The following EXOC2 variants were observed in gnomAD, a reference collection of about 807,000 sequenced individuals.
EXOC2 encodes the protein SEC5-like 1.
EXOC2 carries 70 observed loss-of-function variants against 131.8 expected under a neutral mutation model. That is an observed-to-expected ratio of 0.53 (90% CI 0.44 to 0.65). The LOEUF is 0.65. Among genes scored for constraint, EXOC2 ranks in the 30% least tolerant of loss-of-function variants. The probability of loss-of-function intolerance (pLI) is 0.00; values close to 1 mark genes in which losing one functional copy is unlikely to be tolerated. For synonymous variants in EXOC2, 411 were observed against 398.4 expected (o/e 1.03, Z -0.38); for missense variants, 923 against 1,108.6 (o/e 0.83, Z 2.38).
chr6:677,625 T>C (rs1386227146), intron 1 of EXOC2, among the ~76,000 whole-genome samples: 3 of 152,074 alleles, frequency 2.0e-5, no homozygotes, highest in Non-Finnish European at 4.4e-5. Flanking sequence ...TGCACCACCA[T>C]GCCTGACTAA....
intron 1 of EXOC2, chr6:655,971 A>G (rs1763055876): frequency 1.5e-6 from 1 of 646,616 alleles, no homozygotes; most frequent in Non-Finnish European, 2.7e-6. Context: ...AAATTTTGCA[A>G]AGGAGGAAGG....
At chr6:642,669 T>C (rs1023668373) in intron 1 of EXOC2, among the ~76,000 whole-genome samples, 8 of 152,136 alleles carry the variant, frequency 5.3e-5, no homozygotes, top group African/African-American at 1.4e-4. Context: ...TTGTTCTAAA[T>C]AGAGGAATTA....
chr6:489,433 A>C (rs907367578), intron 26 of EXOC2, among the ~76,000 whole-genome samples: 1 of 152,220 alleles, frequency 6.6e-6, no homozygotes, highest in Non-Finnish European at 1.5e-5. Flanking sequence ...AAGATGACAC[A>C]GTGGGGTGTT....
chr6:630,554 C>T (rs1244358565), intron 3 of EXOC2, among the ~76,000 whole-genome samples: 1 of 152,174 alleles, frequency 6.6e-6, no homozygotes, highest in African/African-American at 2.4e-5. Context: ...TTCTGGGTTC[C>T]ATAAGCTACC....
chr6:495,663 G>A (rs1043294274), intron 25 of EXOC2, among the ~76,000 whole-genome samples: 2 of 152,196 alleles, frequency 1.3e-5, no homozygotes, highest in Non-Finnish European at 2.9e-5. Flanking sequence ...ACGTGTGAGA[G>A]CTCTAGTTCC....
intron 1 of EXOC2, among the ~76,000 whole-genome samples, chr6:647,217 TA>T (rs1762613034): frequency 6.6e-6 from 1 of 152,116 alleles, no homozygotes; most frequent in South Asian, 2.1e-4. Context: ...CTAGATCACA[TA>T]AAGAACCAAA....
Position 620,377 on chromosome 6 carries a change from C to T in EXOC2, c.423-834G>A, listed in dbSNP as rs569052542. On this transcript the variant is annotated intron_variant, in intron 4 of 27. Transcript: ENST00000230449. ...GCCACTCTAGGCATGAAACCTGACG[C>T]TTCGGCAGCCTCAAAGGGACTATAC... Among the ~76,000 whole-genome samples the T allele has an allele frequency of 4.6e-5, 7 of 152,302 alleles. No homozygotes were observed. In the South Asian group the frequency reaches 1.5e-3, roughly 32 times the overall value.
chr6:526,851 T>C (rs1765777756), intron 23 of EXOC2, among the ~76,000 whole-genome samples: 1 of 152,208 alleles, frequency 6.6e-6, no homozygotes, highest in African/African-American at 2.4e-5. Flanking sequence ...ATTTCCTAGC[T>C]ACATGAACTT....
At chr6:615,600 A>G (rs1195581586) in intron 6 of EXOC2, among the ~76,000 whole-genome samples, 1 of 151,956 alleles carries the variant, frequency 6.6e-6, no homozygotes, top group Non-Finnish European at 1.5e-5. Context: ...GGCACCTGTA[A>G]TCCCAGCTAC....
chr6:569,140 C>G (rs1758134609), intron 13 of EXOC2, among the ~76,000 whole-genome samples: 1 of 152,052 alleles, frequency 6.6e-6, no homozygotes, highest in Admixed American at 6.5e-5. Flanking sequence ...AGTTATGTAA[C>G]TTTTTAAAAT....
intron 1 of EXOC2, among the ~76,000 whole-genome samples, chr6:662,761 C>G (rs1390810907): frequency 6.6e-6 from 1 of 152,028 alleles, no homozygotes; most frequent in Non-Finnish European, 1.5e-5. Context: ...GAAACAAGAA[C>G]AAACCAAACC....
At chr6:492,880 T>C (rs1158370042) in intron 25 of EXOC2, among the ~76,000 whole-genome samples, 1 of 152,236 alleles carries the variant, frequency 6.6e-6, no homozygotes, top group Non-Finnish European at 1.5e-5. Context: ...ATATTCTTTT[T>C]CTATTGTAGA....
chr6:611,916 T>A (rs945540975), intron 6 of EXOC2, among the ~76,000 whole-genome samples: 3 of 152,274 alleles, frequency 2.0e-5, no homozygotes, highest in African/African-American at 7.2e-5. Context: ...ATTACTTCAC[T>A]ACAATTATTT....
chr6:492,861 T>C lies in EXOC2; in HGVS notation c.2560-1675A>G, dbSNP rs140614164. Among the ~76,000 whole-genome samples the C allele has an allele frequency of 1.8e-3, 271 of 152,354 alleles. 3 individuals carry two copies. The highest frequency in any genetic ancestry group is 0.011 in the South Asian group (52 of 4,820). On this transcript the variant is annotated intron_variant, in intron 25 of 27. Coordinates refer to ENST00000230449, the MANE Select transcript of EXOC2 (RefSeq NM_018303.6). ...AGCTCTTTGAATATACCAAAAATCA[T>C]TGAATTGCATATTCTTTTTCTATTG...
At chr6:551,926 A>C (rs187419489) in intron 21 of EXOC2, among the ~76,000 whole-genome samples, 74 of 152,192 alleles carry the variant, frequency 4.9e-4, no homozygotes, top group African/African-American at 1.7e-3. Context: ...CCTCAACATT[A>C]TTTTTATATA....
In EXOC2 at chr6:637,827, G is replaced by C; in HGVS notation, c.-9C>G. On this transcript the variant is annotated 5_prime_UTR_variant, in exon 2 of 28. Coordinates refer to ENST00000230449, the MANE Select transcript of EXOC2 (RefSeq NM_018303.6). ...TGTCGTGATCGAGACATTGTGCTTT[G>C]TGGAGCAAACTGGTGATCCTGTTAG... 2 of 1,612,132 alleles carry C rather than the reference G, an allele frequency of 1.2e-6. No individual in the cohort carries two copies. Among genetic ancestry groups the C allele is most frequent in the Middle Eastern group, 3.3e-4 (2 of 6,058 alleles).
At chr6:674,526 A>C (rs1036896715) in intron 1 of EXOC2, among the ~76,000 whole-genome samples, 1 of 152,226 alleles carries the variant, frequency 6.6e-6, no homozygotes, top group African/African-American at 2.4e-5. Flanking sequence ...GCAAAACACA[A>C]TAATTTCAAA....
chr6:565,059 A>C, intron 13 of EXOC2, 130 bp from the exon 14 acceptor site: 1 of 636,136 alleles, frequency 1.6e-6, no homozygotes, highest in Non-Finnish European at 2.4e-6. Context: ...TTAAGACATA[A>C]TCTATGTTTC....
chr6:645,013 T>C (rs1762515737), intron 1 of EXOC2, among the ~76,000 whole-genome samples: 1 of 152,044 alleles, frequency 6.6e-6, no homozygotes, highest in Non-Finnish European at 1.5e-5. Context: ...GCCAAACCAA[T>C]CTTAGGAGGA....
Sources: allele counts gnomAD v4.1 joint callset (sites outside exome capture counted in the v4.1 genomes callset), GRCh38; gene constraint gnomAD v4.1.1; transcripts MANE v1.5; gene names NCBI Gene and HGNC (gene_info 2026-07-23, HGNC 2026-07-21).